HS3ST4: variants seen among roughly 807,000 people sequenced by gnomAD.
HS3ST4 encodes heparan sulfate-glucosamine 3-sulfotransferase 4.
Under a neutral mutation model 29.2 loss-of-function variants are expected in HS3ST4, and 17 were observed. The ratio of observed to expected loss-of-function variants is 0.58; its 90% CI spans 0.40 to 0.87. The LOEUF is 0.87. Ranked by LOEUF, HS3ST4 falls within the 40% of genes least tolerant of loss-of-function variation. The probability of loss-of-function intolerance (pLI) is 0.00; values close to 1 mark genes in which losing one functional copy is unlikely to be tolerated. For missense variants in HS3ST4, 627 were observed against 634.5 expected, an observed-to-expected ratio of 0.99 and a Z score of 0.13; for synonymous variants, 314 against 285.7, an observed-to-expected ratio of 1.10 and a Z score of -1.00.
chr16:25,969,822 T>G (rs1968879176), intron 1 of HS3ST4, among the ~76,000 whole-genome samples: 1 of 152,134 alleles, frequency 6.6e-6, no homozygotes, highest in Non-Finnish European at 1.5e-5. Context: ...GAGCAGATGG[T>G]CCCCATTTCA....
intron 1 of HS3ST4, among the ~76,000 whole-genome samples, chr16:26,048,027 A>C (rs556634145): frequency 1.3e-5 from 2 of 152,288 alleles, no homozygotes; most frequent in African/African-American, 4.8e-5. Flanking sequence ...TGGAAGTCCA[A>C]GATCAAGGTG....
At chr16:26,039,412 G>T (rs1179611328) in intron 1 of HS3ST4, among the ~76,000 whole-genome samples, 1 of 152,108 alleles carries the variant, frequency 6.6e-6, no homozygotes, top group Non-Finnish European at 1.5e-5. Context: ...GCTTCTCCAT[G>T]AAATACTTTG....
intron 1 of HS3ST4, among the ~76,000 whole-genome samples, chr16:25,746,030 A>G (rs1207940831): frequency 1.3e-5 from 2 of 152,158 alleles, no homozygotes; most frequent in Admixed American, 6.5e-5. Flanking sequence ...TCTATTGGAA[A>G]TCCTTCTTCA....
At chr16:26,134,942 G>C (rs899914438) in intron 1 of HS3ST4, among the ~76,000 whole-genome samples, 2 of 152,048 alleles carry the variant, frequency 1.3e-5, no homozygotes, top group Non-Finnish European at 2.9e-5. Context: ...TGTTCCAATG[G>C]AAGTTTATTT....
At chr16:25,783,374 C>T (rs1966854378) in intron 1 of HS3ST4, among the ~76,000 whole-genome samples, 1 of 152,168 alleles carries the variant, frequency 6.6e-6, no homozygotes. Context: ...TTTAACTTCC[C>T]TGCCCTCTGT....
At chr16:25,865,927 A>G (rs1170612104) in intron 1 of HS3ST4, among the ~76,000 whole-genome samples, 1 of 152,202 alleles carries the variant, frequency 6.6e-6, no homozygotes, top group Non-Finnish European at 1.5e-5. Context: ...TTTTTTAAAA[A>G]TATAACCCCA....
chr16:25,794,196 C>G (rs13336363), intron 1 of HS3ST4, among the ~76,000 whole-genome samples: 5,453 of 152,138 alleles, frequency 0.036, 191 homozygotes, highest in Non-Finnish European at 0.047. Flanking sequence ...TAACTTCTCT[C>G]TCTTCTAGGC....
chr16:25,844,417 T>C (rs540964783), intron 1 of HS3ST4, among the ~76,000 whole-genome samples: 3 of 152,366 alleles, frequency 2.0e-5, no homozygotes, highest in African/African-American at 7.2e-5. Flanking sequence ...CAGTTTTCTA[T>C]ATTAGTCCTT....
chr16:25,924,640 C>G (rs1158897128), intron 1 of HS3ST4, among the ~76,000 whole-genome samples: 1 of 152,174 alleles, frequency 6.6e-6, no homozygotes, highest in Non-Finnish European at 1.5e-5. Flanking sequence ...TAAAGTCCTG[C>G]AAATACGACC....
intron 1 of HS3ST4, among the ~76,000 whole-genome samples, chr16:25,739,812 G>C (rs1025285000): frequency 6.6e-6 from 1 of 152,148 alleles, no homozygotes; most frequent in African/African-American, 2.4e-5. Flanking sequence ...TGGGTTTTCA[G>C]ATCTTTTTCT....
intron 1 of HS3ST4, among the ~76,000 whole-genome samples, chr16:25,836,880 C>G (rs1455396954): frequency 6.6e-6 from 1 of 152,204 alleles, no homozygotes; most frequent in African/African-American, 2.4e-5. Flanking sequence ...GACTTCAGGA[C>G]TATGGATATG....
At chr16:25,761,546 C>G (rs8048735) in intron 1 of HS3ST4, among the ~76,000 whole-genome samples, 2 of 152,162 alleles carry the variant, frequency 1.3e-5, no homozygotes, top group Admixed American at 6.5e-5. Context: ...CAGCCAGGCA[C>G]GGAGTTGACT....
intron 1 of HS3ST4, among the ~76,000 whole-genome samples, chr16:26,098,902 C>T (rs150698022): frequency 8.1e-4 from 123 of 152,060 alleles, no homozygotes; most frequent in African/African-American, 2.8e-3. Flanking sequence ...TAATCCTGTC[C>T]AAGGCAACCT....
intron 1 of HS3ST4, among the ~76,000 whole-genome samples, chr16:25,766,849 T>C (rs1384688620): frequency 6.6e-6 from 1 of 152,178 alleles, no homozygotes; most frequent in East Asian, 1.9e-4. Context: ...AAGAGGGTCC[T>C]GTCATCTCCA....
intron 1 of HS3ST4, among the ~76,000 whole-genome samples, chr16:25,982,018 AT>A (rs1456418745): frequency 7.0e-6 from 1 of 143,414 alleles, no homozygotes; most frequent in Admixed American, 7.1e-5. Flanking sequence ...GTGTGTGTAT[AT>A]TCACATACTG....
intron 1 of HS3ST4, among the ~76,000 whole-genome samples, chr16:25,776,961 T>G (rs1966848061): frequency 6.6e-6 from 1 of 152,246 alleles, no homozygotes; most frequent in African/African-American, 2.4e-5. Flanking sequence ...AACAGAGATA[T>G]CCCCAATATG....
intron 1 of HS3ST4, among the ~76,000 whole-genome samples, chr16:26,065,220 A>T (rs550015170): frequency 6.6e-6 from 1 of 152,242 alleles, no homozygotes; most frequent in Non-Finnish European, 1.5e-5. Flanking sequence ...CATGGAGTCA[A>T]CCTGAATGCC....
chr16:26,112,863 G>A (rs992989927), intron 1 of HS3ST4, among the ~76,000 whole-genome samples: 1 of 152,058 alleles, frequency 6.6e-6, no homozygotes, highest in Non-Finnish European at 1.5e-5. Flanking sequence ...ATAGGCACAG[G>A]TGGAAGGAGT....
intron 1 of HS3ST4, among the ~76,000 whole-genome samples, chr16:26,031,555 G>A (rs760815698): frequency 2.0e-5 from 3 of 152,040 alleles, no homozygotes; most frequent in Non-Finnish European, 4.4e-5. Flanking sequence ...ATTTTGACTA[G>A]GCGAGTGTTA....
Sources: allele counts gnomAD v4.1 joint callset (sites outside exome capture counted in the v4.1 genomes callset), GRCh38; gene constraint gnomAD v4.1.1; transcripts MANE v1.5; gene names NCBI Gene and HGNC (gene_info 2026-07-23, HGNC 2026-07-21).